PDLIM7: variants seen among roughly 807,000 people sequenced by gnomAD.
PDLIM7 encodes the protein PDZ and LIM domain 7.
PDLIM7 carries 37 observed loss-of-function variants against 53.9 expected under a neutral mutation model. That is an observed-to-expected ratio of 0.69 (90% CI 0.53 to 0.90). The LOEUF is 0.90. PDLIM7 is among the 40% of genes least tolerant of loss of function. The probability of loss-of-function intolerance (pLI) is 0.00; values close to 1 mark genes in which losing one functional copy is unlikely to be tolerated. For synonymous variants in PDLIM7, 300 were observed against 261.3 expected (o/e 1.15, Z -1.43); for missense variants, 617 against 638.5 (o/e 0.97, Z 0.36).
In PDLIM7 at chr5:177,483,590, G is replaced by A. The variant is rs1318312534; in HGVS notation, c.*54C>T. On this transcript the variant is annotated 3_prime_UTR_variant, in exon 13 of 13. Transcript: ENST00000355841. Reference sequence around the variant, plus strand: ...GCCCTACCCAGAAATGCAGGGCCACGACTCCAGGCCCCTCAGGCTAGGGGC... The same window carrying A: ...GCCCTACCCAGAAATGCAGGGCCACAACTCCAGGCCCCTCAGGCTAGGGGC... The A allele has an allele frequency of 3.7e-6, 5 of 1,336,396 alleles. No individual in the cohort carries two copies. The highest frequency in any genetic ancestry group is 2.4e-5 in the South Asian group (2 of 82,292). 82.8% of individuals were successfully genotyped at this position (1,336,396 alleles called of 1,614,324 possible).
At chr5:177,495,400 C>T (rs1170061643) in intron 2 of PDLIM7, among the ~76,000 whole-genome samples, 1 of 152,206 alleles carries the variant, frequency 6.6e-6, no homozygotes, top group Non-Finnish European at 1.5e-5. Flanking sequence ...GCTGCCTGCC[C>T]ACCCGGCGCC....
chr5:177,487,387 A>G (rs190103663), intron 10 of PDLIM7, among the ~76,000 whole-genome samples: 3 of 152,384 alleles, frequency 2.0e-5, no homozygotes, highest in Non-Finnish European at 2.9e-5. Context: ...AGGTGGCAGC[A>G]TCCTCTAAGG....
Position 177,483,742 on chromosome 5 carries a change from A to C in PDLIM7, c.1288-12T>G. ...TTGATCTGACATATCTAAGGACAGC[A>C]AAGGCCCAGTCACATGGGGTTGGGG... On this transcript the variant is annotated splice_polypyrimidine_tract_variant and intron_variant, in intron 12 of 12. Transcript: ENST00000355841. 6.2e-7 allele frequency: 1 copy of C among 1,608,454 alleles called. No individual in the cohort carries two copies.
chr5:177,485,304 A>G (rs1239867824), intron 10 of PDLIM7, among the ~76,000 whole-genome samples: 1 of 152,196 alleles, frequency 6.6e-6, no homozygotes, highest in Non-Finnish European at 1.5e-5. Flanking sequence ...CAGAGGCACA[A>G]GGGGCTGAGC....
At chr5:177,491,766 G>T in intron 5 of PDLIM7, 41 bp downstream of exon 5, 1 of 972,408 alleles carries the variant, frequency 1.0e-6, no homozygotes, top group Non-Finnish European at 1.4e-6. Flanking sequence ...GGCCACAGTG[G>T]GCCTGATGGC....
At chr5:177,484,409 T>G in intron 10 of PDLIM7, 8 of 553,702 alleles carry the variant, frequency 1.4e-5, no homozygotes, top group South Asian at 1.4e-4. Context: ...CAGTTCCTGA[T>G]TCCCTCACCC....
rs368659602 is a variant in PDLIM7, at chr5:177,492,392, G to A, written c.279+13C>T. 22 of 1,612,604 alleles carry A rather than the reference G, an allele frequency of 1.4e-5. 1 individual carries two copies. In the African/African-American group the frequency reaches 2.0e-4, roughly 15 times the overall value. On this transcript the variant is annotated intron_variant, in intron 4 of 12. Coordinates refer to ENST00000355841, the MANE Select transcript of PDLIM7 (RefSeq NM_005451.5). ...CACCGCCCACCGCCCGGATGTCCCG[G>A]CCAGCCTCGTACCTTCTGCGGTTTG...
intron 3 of PDLIM7, 40 bp downstream of exon 3, chr5:177,492,486 C>G (rs1420627547): frequency 2.5e-6 from 4 of 1,613,534 alleles, no homozygotes; most frequent in Non-Finnish European, 3.4e-6. Context: ...GGGATCCCCA[C>G]TGCCAGCGCG....
At chr5:177,491,539 C>A in intron 5 of PDLIM7, 1 of 844,858 alleles carries the variant, frequency 1.2e-6, no homozygotes. Flanking sequence ...GTGTCTGGGG[C>A]TCAGCTGGCC....
chr5:177,486,450 C>A (rs529781129), intron 10 of PDLIM7, among the ~76,000 whole-genome samples: 4 of 152,214 alleles, frequency 2.6e-5, no homozygotes, highest in African/African-American at 9.6e-5. Context: ...CTCACACAGC[C>A]AGTAGATCAC....
chr5:177,489,303 A>C lies in PDLIM7; in HGVS notation c.869+90T>G, dbSNP rs1026019072. ...TGAGAACTGAATCCTTATTCCCCCC[A>C]GTCGCAGCTGAGGCAAGACAGGTGG... On this transcript the variant is annotated intron_variant, in intron 9 of 12. Coordinates refer to ENST00000355841, the MANE Select transcript of PDLIM7 (RefSeq NM_005451.5). 7 of 978,472 alleles carry C rather than the reference A, an allele frequency of 7.2e-6. No homozygotes were observed. The South Asian group carries it at 8.2e-5, about 11-fold the overall frequency. The allele number at this position is 978,472 out of a possible 1,614,324, so 60.6% of individuals were successfully genotyped here.
At chr5:177,491,188 G>A in intron 5 of PDLIM7, 42 bp from the exon 6 acceptor site, 1 of 1,561,900 alleles carries the variant, frequency 6.4e-7, no homozygotes, top group Non-Finnish European at 8.7e-7. Flanking sequence ...CTGGGGGTGG[G>A]CGGTGGGGGC....
intron 7 of PDLIM7, chr5:177,490,473 G>A: frequency 6.5e-7 from 1 of 1,545,714 alleles, no homozygotes; most frequent in African/African-American, 1.4e-5. Context: ...AGGCAGAGAG[G>A]GCAGCCGGCT....
In PDLIM7 at chr5:177,492,554, C is replaced by T. The variant is rs199569182; in HGVS notation, c.220G>A (p.Gly74Arg). Residue 74 changes from glycine to arginine, a missense_variant, in exon 3 of 13, where the codon GGG (glycine) becomes AGG (arginine). Gly to Arg is a moderately radical substitution (Grantham distance 125, BLOSUM62 -2). Transcript: ENST00000355841. The part of the protein sequence containing the change: ...IEAQNKIRAC[G>R]ERLSLGLSRA... ...CTGAGGCCCAGGCTGAGGCGCTCCC[C>T]GCAGGCCCGGATCTTGTTCTGAGCT... The T allele has an allele frequency of 4.3e-6, 7 of 1,613,576 alleles. No individual in the cohort carries two copies. Among genetic ancestry groups the T allele is most frequent in the African/African-American group, 2.7e-5 (2 of 74,944 alleles).
rs780345962 is a variant in PDLIM7, at chr5:177,490,991, G to A, written c.535+19C>T. ...GCTGGGGGCGAGGAAAGTACCCCCT[G>A]CCCTGGGCTGGCACTTACTGAACTC... On this transcript the variant is annotated intron_variant, in intron 6 of 12. Coordinates refer to ENST00000355841, the MANE Select transcript of PDLIM7 (RefSeq NM_005451.5). 4.2e-5 allele frequency: 68 copies of A among 1,613,664 alleles called. No individual in the cohort carries two copies. The Admixed American group carries it at 8.8e-4, about 21-fold the overall frequency.
At position 177,490,194 on chromosome 5, in the gene PDLIM7, C is replaced by T. The variant is rs1758677626; in HGVS notation, c.573-362G>A. 2.8e-6 allele frequency: 4 copies of T among 1,447,006 alleles called. No homozygotes were observed. The South Asian group carries it at 4.2e-5, about 15-fold the overall frequency. 89.6% of individuals were successfully genotyped at this position (1,447,006 alleles called of 1,614,324 possible). A position where few individuals can be genotyped will look rare whatever the true frequency, so the allele number is the denominator to read the frequency against. ...AACAGTCCGAACCACGAAACACCCC[C>T]ACACCCCAAATGCAAACCAGGTCCA... On this transcript the variant is annotated intron_variant, in intron 7 of 12. Transcript: ENST00000355841.
At position 177,489,640 on chromosome 5, in the gene PDLIM7, G is replaced by C. The variant is rs1425155939; in HGVS notation, c.635-13C>G. 6.4e-7 allele frequency: 1 copy of C among 1,572,000 alleles called. No individual in the cohort carries two copies. The highest frequency in any genetic ancestry group is 8.6e-7 in the Non-Finnish European group (1 of 1,162,180). Reference sequence around the variant, plus strand: ...GGGGCGGTAGGGCCTGCCGGGGAAAGTGACTCTAAAGGGGTGCCCAGGGAC... The same window carrying C: ...GGGGCGGTAGGGCCTGCCGGGGAAACTGACTCTAAAGGGGTGCCCAGGGAC... On this transcript the variant is annotated splice_polypyrimidine_tract_variant and intron_variant, in intron 8 of 12. Coordinates refer to ENST00000355841, the MANE Select transcript of PDLIM7 (RefSeq NM_005451.5).
In PDLIM7 at chr5:177,488,247, C is replaced by T. The variant is rs761131773; in HGVS notation, c.871G>A (p.Gly291Ser). The part of the protein sequence containing the change: ...VCHQCHKVIR[G>S]RYLVALGHAY... ...TGGCCCAGCGCCACCAGGTAGCGGC[C>T]CCTGCAGGGAGGCGAGAGCGGTCAG... Residue 291 changes from glycine to serine, a missense_variant and splice_region_variant, in exon 10 of 13, where the codon GGC becomes AGC. By Grantham distance (56) the Gly-to-Ser change is moderately conservative (BLOSUM62 0). Coordinates refer to ENST00000355841, the MANE Select transcript of PDLIM7 (RefSeq NM_005451.5). 5 of 1,599,052 alleles carry T rather than the reference C, an allele frequency of 3.1e-6. 1 individual carries two copies. Among genetic ancestry groups the T allele is most frequent in the Middle Eastern group, 1.7e-4 (1 of 5,992 alleles).
chr5:177,491,684 G>A, intron 5 of PDLIM7, 123 bp downstream of exon 5: 1 of 661,538 alleles, frequency 1.5e-6, no homozygotes, highest in South Asian at 2.2e-5. Flanking sequence ...CCGGCCGCCA[G>A]GGGGCGCTGC....
Sources: allele counts gnomAD v4.1 joint callset (sites outside exome capture counted in the v4.1 genomes callset), GRCh38; gene constraint gnomAD v4.1.1; transcripts MANE v1.5; gene names NCBI Gene and HGNC (gene_info 2026-07-23, HGNC 2026-07-21).